Variants in OPRM1 observed in about 807,000 individuals in gnomAD.
OPRM1 encodes the protein mu-type opioid receptor.
In OPRM1, 27 loss-of-function variants were observed where a neutral mutation model predicts 31.8. The ratio of observed to expected loss-of-function variants is 0.85; its 90% CI spans 0.63 to 1.17. The LOEUF (loss-of-function observed/expected upper bound fraction) is 1.17, where lower values mean the gene tolerates loss of function less well. OPRM1 is among the 50% of genes most tolerant of loss of function. OPRM1 has a pLI of 0.00. For synonymous variants in OPRM1, 196 were observed against 189.9 expected (o/e 1.03, Z -0.26); for missense variants, 536 against 511.1 (o/e 1.05, Z -0.47).
Position 154,131,074 on chromosome 6 carries a change from C to T in OPRM1, c.*12353C>T, listed in dbSNP as rs1178773833. On this transcript the variant is annotated 3_prime_UTR_variant, in exon 4 of 4. Coordinates refer to ENST00000330432, the MANE Select transcript of OPRM1 (RefSeq NM_000914.5). ...AGTCTAAAGATTAGGTGCTCTGTCA[C>T]TTGTCATTACATTTTTTTATAACAT... is the stretch of plus-strand genomic sequence containing the variant. 1.3e-5 allele frequency among the ~76,000 whole-genome samples: 2 copies of T among 152,128 alleles called. No individual in the cohort carries two copies. The highest frequency in any genetic ancestry group is 2.9e-5 in the Non-Finnish European group (2 of 68,010).
At chr6:154,173,411 T>A (rs1336000441) in intron 3 of OPRM1, among the ~76,000 whole-genome samples, 3 of 152,054 alleles carry the variant, frequency 2.0e-5, no homozygotes, top group Non-Finnish European at 4.4e-5. Context: ...GCAAGGATGC[T>A]AAAAACCTTG....
At chr6:154,106,762 T>C (rs887380367) in intron 3 of OPRM1, among the ~76,000 whole-genome samples, 1 of 152,182 alleles carries the variant, frequency 6.6e-6, no homozygotes, top group African/African-American at 2.4e-5. Flanking sequence ...AAATTCCACA[T>C]ATCCCCAGGC....
At position 154,122,553 on chromosome 6, in the gene OPRM1, A is replaced by G. The variant is rs1216800373; in HGVS notation, c.*3832A>G. ...TCCAACTCTGGGGCATCCATTTAAGAGCCATTTAATCCATTTAATTACAAA... is the reference window on the plus strand; with the variant it reads ...TCCAACTCTGGGGCATCCATTTAAGGGCCATTTAATCCATTTAATTACAAA... On this transcript the variant is annotated 3_prime_UTR_variant, in exon 4 of 4. Coordinates refer to ENST00000330432, the MANE Select transcript of OPRM1 (RefSeq NM_000914.5). Among the ~76,000 whole-genome samples, 2 of 152,204 alleles carry G rather than the reference A, an allele frequency of 1.3e-5. No individual in the cohort carries two copies. Among genetic ancestry groups the G allele is most frequent in the Non-Finnish European group, 2.9e-5 (2 of 68,026 alleles).
intron 1 of OPRM1, among the ~76,000 whole-genome samples, chr6:154,086,200 G>A (rs1790524182): frequency 6.6e-6 from 1 of 152,152 alleles, no homozygotes; most frequent in Admixed American, 6.5e-5. Flanking sequence ...ATATGCTGGA[G>A]GCAATTGGAA....
intron 3 of OPRM1, among the ~76,000 whole-genome samples, chr6:154,173,706 T>C (rs562874205): frequency 5.3e-5 from 8 of 152,318 alleles, no homozygotes; most frequent in African/African-American, 1.7e-4. Flanking sequence ...TTGGTGTAAC[T>C]GAAAGTGACG....
intron 3 of OPRM1, among the ~76,000 whole-genome samples, chr6:154,186,702 G>A (rs1429673336): frequency 5.3e-5 from 8 of 151,932 alleles, no homozygotes; most frequent in African/African-American, 1.9e-4. Flanking sequence ...GACTACAGGC[G>A]CCCGCCATCA....
chr6:154,042,238 A>G (rs1780214259), intron 1 of OPRM1, among the ~76,000 whole-genome samples: 2 of 152,214 alleles, frequency 1.3e-5, no homozygotes, highest in Non-Finnish European at 2.9e-5. Flanking sequence ...AGCGACAGGG[A>G]AAGCATCTGG....
chr6:154,246,194 G>T (rs1363863508), intron 3 of OPRM1, among the ~76,000 whole-genome samples: 1 of 152,206 alleles, frequency 6.6e-6, no homozygotes, highest in East Asian at 1.9e-4. Flanking sequence ...CACCCTTGTA[G>T]GTCGTGAAGC....
intron 3 of OPRM1, among the ~76,000 whole-genome samples, chr6:154,185,208 G>A (rs978753566): frequency 2.0e-5 from 3 of 152,216 alleles, no homozygotes; most frequent in African/African-American, 7.2e-5. Context: ...CTAGCAAGGG[G>A]TCTCATGCCA....
chr6:154,170,426 C>T (rs151085422), intron 3 of OPRM1, among the ~76,000 whole-genome samples: 257 of 152,278 alleles, frequency 1.7e-3, no homozygotes, highest in African/African-American at 5.7e-3. Flanking sequence ...TACTCCTCTA[C>T]GATTAGAAAC....
At chr6:154,205,709 T>C (rs929498375) in intron 3 of OPRM1, among the ~76,000 whole-genome samples, 10 of 152,362 alleles carry the variant, frequency 6.6e-5, no homozygotes, top group Admixed American at 2.0e-4. Context: ...CTGTGTATTG[T>C]AGAAATATTT....
chr6:154,227,053 C>T (rs931957119), intron 3 of OPRM1, among the ~76,000 whole-genome samples: 1 of 151,934 alleles, frequency 6.6e-6, no homozygotes, highest in Admixed American at 6.6e-5. Context: ...CAAAAATTAG[C>T]CAGGTGTGGT....
chr6:154,180,574 G>T (rs1800787314), intron 3 of OPRM1, among the ~76,000 whole-genome samples: 1 of 151,906 alleles, frequency 6.6e-6, no homozygotes, highest in African/African-American at 2.4e-5. Flanking sequence ...TGTCTGCTCT[G>T]ACAGCACAGG....
chr6:154,188,351 A>G (rs1801567565), intron 3 of OPRM1, among the ~76,000 whole-genome samples: 1 of 152,226 alleles, frequency 6.6e-6, no homozygotes, highest in South Asian at 2.1e-4. Flanking sequence ...AAGATGTAAG[A>G]AAGACAAATA....
chr6:154,021,754 T>G (rs1778384675), intron 1 of OPRM1, among the ~76,000 whole-genome samples: 2 of 152,218 alleles, frequency 1.3e-5, no homozygotes, highest in African/African-American at 4.8e-5. Context: ...CCCATTTATT[T>G]GTTGCTGGCA....
At chr6:154,180,364 TGAGCTAG>T (rs1415052005) in intron 3 of OPRM1, among the ~76,000 whole-genome samples, 3 of 140,260 alleles carry the variant, frequency 2.1e-5, no homozygotes, top group Admixed American at 1.4e-4. Context: ...ATATATATAC[TGAGCTAG>T]TTTAACAACA....
At chr6:154,048,981 G>C (rs948527343) in intron 1 of OPRM1, among the ~76,000 whole-genome samples, 7 of 152,286 alleles carry the variant, frequency 4.6e-5, no homozygotes, top group African/African-American at 1.7e-4. Context: ...CTGAAGCTTT[G>C]CTTCTAGGGG....
At chr6:154,092,490 G>C (rs1792498746) in intron 3 of OPRM1, among the ~76,000 whole-genome samples, 1 of 152,154 alleles carries the variant, frequency 6.6e-6, no homozygotes, top group Admixed American at 6.5e-5. Flanking sequence ...TCAGAATCTT[G>C]GCTAAAGTTC....
intron 3 of OPRM1, among the ~76,000 whole-genome samples, chr6:154,161,576 C>G (rs1583673531): frequency 6.6e-6 from 1 of 152,282 alleles, no homozygotes; most frequent in South Asian, 2.1e-4. Flanking sequence ...GAAACCTTCC[C>G]TGCACTCCCA....
Sources: allele counts gnomAD v4.1 joint callset (sites outside exome capture counted in the v4.1 genomes callset), GRCh38; gene constraint gnomAD v4.1.1; transcripts MANE v1.5; gene names NCBI Gene and HGNC (gene_info 2026-07-23, HGNC 2026-07-21).